Variants in MGA observed in about 807,000 individuals in gnomAD.
MGA encodes the protein MAX dimerization protein MGA.
Under a neutral mutation model 261.1 loss-of-function variants are expected in MGA, and 40 were observed. That is an observed-to-expected ratio of 0.15 (90% CI 0.12 to 0.20). The LOEUF is 0.20. Ranked by LOEUF, MGA falls within the 10% of genes least tolerant of loss-of-function variation. The pLI is 1.00. For missense variants in MGA, 3,397 were observed against 3,630.5 expected (o/e 0.94, Z 1.65); for synonymous variants, 1,302 against 1,290.6 (o/e 1.01, Z -0.19).
intron 9 of MGA, among the ~76,000 whole-genome samples, chr15:41,720,198 G>A (rs2060865457): frequency 6.6e-6 from 1 of 152,176 alleles, no homozygotes; most frequent in African/African-American, 2.4e-5. Context: ...TGATATGGGT[G>A]ATATTGGCTT....
chr15:41,632,356 G>A (rs1196142260), intron 1 of MGA, among the ~76,000 whole-genome samples: 1 of 152,162 alleles, frequency 6.6e-6, no homozygotes, highest in Non-Finnish European at 1.5e-5. Flanking sequence ...AAGATTGCAA[G>A]TCATGTAGCC....
At chr15:41,643,204 CTTTT>C (rs35165330) in intron 1 of MGA, among the ~76,000 whole-genome samples, 1 of 133,354 alleles carries the variant, frequency 7.5e-6, no homozygotes, top group African/African-American at 2.7e-5. Flanking sequence ...GTGCCTGGCT[CTTTT>C]TTTTTTTTTT....
chr15:41,655,805 T>C (rs75608606), upstream of MGA, among the ~76,000 whole-genome samples: 5,161 of 152,332 alleles, frequency 0.034, 145 homozygotes, highest in African/African-American at 0.071. Flanking sequence ...AAATCACAAC[T>C]CTACCCCTTT....
chr15:41,716,547 A>G (rs528880296), intron 9 of MGA, among the ~76,000 whole-genome samples: 37 of 152,290 alleles, frequency 2.4e-4, no homozygotes, highest in Non-Finnish European at 1.2e-4. Context: ...AGAGGTAAAC[A>G]TGTTGCCGAT....
chr15:41,663,645 A>AT (rs2057551483), intron 1 of MGA, among the ~76,000 whole-genome samples: 2 of 151,794 alleles, frequency 1.3e-5, no homozygotes, highest in South Asian at 2.1e-4. Context: ...AATTTTTTGT[A>AT]TTTTTTGTAG....
exon 1 of MGA, chr15:41,621,258 G>T (rs1050738132): frequency 2.0e-5 from 3 of 152,294 alleles, no homozygotes; most frequent in Non-Finnish European, 4.4e-5. Context: ...GCCCAAGGGC[G>T]ATGGTTCCCG....
intron 17 of MGA, among the ~76,000 whole-genome samples, chr15:41,753,449 A>T (rs891355752): frequency 1.3e-5 from 2 of 151,980 alleles, no homozygotes; most frequent in African/African-American, 4.8e-5. Context: ...ACTTAAAAAG[A>T]TCTGCTTATC....
rs370272261 is a variant in MGA at position 41,750,000 on chromosome 15, A to G, written c.6393A>G (p.Pro2131=). Residue 2131 remains proline (P), a synonymous_variant, in exon 17 of 24, where the codon CCA becomes CCG. Transcript: ENST00000219905. ...CAGAAGAAAACTCAAGTGAATTTCC[A>G]GTCACCTTTAAGGAAGAAAGTAAAT... The G allele has an allele frequency of 6.2e-7, 1 of 1,612,530 alleles. No homozygotes were observed. Among genetic ancestry groups the G allele is most frequent in the African/African-American group, 1.3e-5 (1 of 74,774 alleles).
chr15:41,736,816 G>T (rs2061802742), intron 13 of MGA, 118 bp downstream of exon 13: 1 of 1,171,552 alleles, frequency 8.5e-7, no homozygotes, highest in Non-Finnish European at 1.2e-6. Flanking sequence ...TGGGAACTGG[G>T]TGACAAAATT....
chr15:41,656,344 TTCTCTCTCTCTC>T (rs59370765), upstream of MGA, among the ~76,000 whole-genome samples: 29 of 60,020 alleles, frequency 4.8e-4, no homozygotes, highest in African/African-American at 1.0e-3. Context: ...CTCTCCTCTC[TTCTCTCTCTCTC>T]TCTCTCTCTC....
chr15:41,720,931 A>G (rs1357926694), intron 9 of MGA, among the ~76,000 whole-genome samples: 1 of 152,216 alleles, frequency 6.6e-6, no homozygotes, highest in East Asian at 1.9e-4. Context: ...CTTTTCACCA[A>G]ATGGTGATAG....
intron 2 of MGA, among the ~76,000 whole-genome samples, chr15:41,680,088 C>G (rs1249413068): frequency 6.6e-6 from 1 of 152,180 alleles, no homozygotes; most frequent in African/African-American, 2.4e-5. Flanking sequence ...AGGCCCAAAT[C>G]ACATTGTTTT....
chr15:41,766,458 G>C lies in MGA; in HGVS notation c.8376G>C (p.Leu2792=), dbSNP rs1402403669. 1 of 1,613,974 alleles carries C rather than the reference G, an allele frequency of 6.2e-7. No homozygotes were observed. Among genetic ancestry groups the C allele is most frequent in the Admixed American group, 1.7e-5 (1 of 60,022 alleles). The change falls in exon 24 of 24, where the codon CTG becomes CTC. Residue 2792 remains leucine, a synonymous_variant. Transcript: ENST00000219905. ...AGGACTCAAGCATAGAGATGGAACT[G>C]AGGAAAGTAACATCAGCTATAGAGG...
At chr15:41,645,230 T>C (rs1566930547) in intron 1 of MGA, among the ~76,000 whole-genome samples, 1 of 152,384 alleles carries the variant, frequency 6.6e-6, no homozygotes, top group East Asian at 1.9e-4. Flanking sequence ...TCCTGCCAAT[T>C]ACTCATATCA....
At chr15:41,732,982 G>T (rs796554767) in intron 11 of MGA, among the ~76,000 whole-genome samples, 6 of 152,004 alleles carry the variant, frequency 3.9e-5, no homozygotes, top group African/African-American at 1.4e-4. Flanking sequence ...TTTTAAAGAC[G>T]GAGTCTCGCT....
At chr15:41,662,017 T>G (rs1374035096) in intron 1 of MGA, among the ~76,000 whole-genome samples, 1 of 151,960 alleles carries the variant, frequency 6.6e-6, no homozygotes, top group East Asian at 1.9e-4. Flanking sequence ...AAGCGGCGGT[T>G]TGTGGGTCAT....
At chr15:41,739,727 G>A (rs1178690855) in intron 13 of MGA, among the ~76,000 whole-genome samples, 179 bp from the exon 14 acceptor site, 2 of 152,158 alleles carry the variant, frequency 1.3e-5, no homozygotes, top group Non-Finnish European at 2.9e-5. Context: ...TCAGTTGACA[G>A]CATTTTTCTA....
intron 7 of MGA, 130 bp from the exon 8 acceptor site, chr15:41,710,561 C>T (rs1223101608): frequency 1.1e-6 from 1 of 939,088 alleles, no homozygotes; most frequent in East Asian, 2.6e-5. Context: ...GTCACTGTGC[C>T]CAGCTAAGGG....
intron 2 of MGA, among the ~76,000 whole-genome samples, chr15:41,685,151 G>C (rs1432259736): frequency 6.6e-6 from 1 of 152,180 alleles, no homozygotes; most frequent in Non-Finnish European, 1.5e-5. Context: ...TGTACATGCT[G>C]TGAAGGGTCA....
Sources: gnomAD v4.1 joint callset for allele counts (sites outside exome capture counted in the v4.1 genomes callset) on GRCh38, gnomAD v4.1.1 for gene constraint, MANE v1.5 for transcripts, NCBI Gene and HGNC (gene_info 2026-07-23, HGNC 2026-07-21) for gene names.